Variants in ASXL3 observed in about 807,000 individuals in gnomAD.
The protein encoded by ASXL3 is ASXL transcriptional regulator 3.
A neutral mutation model predicts 170.6 loss-of-function variants in ASXL3; 34 were observed. That is an observed-to-expected ratio of 0.20 (90% CI 0.15 to 0.27). The LOEUF (loss-of-function observed/expected upper bound fraction) is 0.27. Ranked by LOEUF, ASXL3 falls within the 10% of genes least tolerant of loss-of-function variation. The pLI is 1.00. For missense variants in ASXL3, 2,592 were observed against 2,695.3 expected (o/e 0.96, Z 0.85); for synonymous variants, 1,002 against 989.1 (o/e 1.01, Z -0.24).
At chr18:33,720,481 C>A (rs1407114195) in intron 8 of ASXL3, among the ~76,000 whole-genome samples, 1 of 152,052 alleles carries the variant, frequency 6.6e-6, no homozygotes, top group Non-Finnish European at 1.5e-5. Context: ...TTCCCCCCTT[C>A]CCCCTCTGCT....
chr18:33,740,276 G>A lies in ASXL3; in HGVS notation c.2872G>A (p.Asp958Asn), dbSNP rs868278262. ...TGATGGGATAAGAAATGAAAGTAGA[G>A]ATTCAGAGATATCAAAGAGAAAAAC... Reference protein sequence around the residue: ...SPDGIRNESRDSEISKRKTAE... With the variant: ...SPDGIRNESRNSEISKRKTAE... Residue 958 changes from aspartate (D) to asparagine (N), a missense_variant, in exon 11 of 12, where the codon GAT becomes AAT. Transcript: ENST00000269197. The A allele has an allele frequency of 1.9e-6, 3 of 1,612,814 alleles. No individual in the cohort carries two copies. The highest frequency in any genetic ancestry group is 1.3e-5 in the African/African-American group (1 of 75,022).
At chr18:33,668,268 A>G (rs1296186568) in intron 5 of ASXL3, among the ~76,000 whole-genome samples, 1 of 152,026 alleles carries the variant, frequency 6.6e-6, no homozygotes, top group Non-Finnish European at 1.5e-5. Flanking sequence ...TCTACTAAAA[A>G]CAAAAAAATA....
At chr18:33,614,109 C>T (rs2065381381) in intron 2 of ASXL3, among the ~76,000 whole-genome samples, 1 of 152,042 alleles carries the variant, frequency 6.6e-6, no homozygotes, top group Admixed American at 6.6e-5. Context: ...TTGACACTTC[C>T]TTTGTTGAAA....
chr18:33,670,634 C>A, intron 5 of ASXL3, 39 bp from the exon 6 acceptor site: 1 of 1,397,968 alleles, frequency 7.2e-7, no homozygotes, highest in Non-Finnish European at 9.7e-7. Context: ...ATTATTTTGG[C>A]TATATTTTTA....
At chr18:33,735,712 T>C (rs2067533974) in intron 10 of ASXL3, among the ~76,000 whole-genome samples, 2 of 152,178 alleles carry the variant, frequency 1.3e-5, no homozygotes, top group South Asian at 4.1e-4. Context: ...TGCGGGGAGC[T>C]CTCTTTTTAG....
intron 8 of ASXL3, 150 bp from the exon 9 acceptor site, chr18:33,731,817 CT>C: frequency 1.7e-6 from 1 of 587,690 alleles, no homozygotes; most frequent in East Asian, 2.9e-5. Context: ...CTCCTGCTCT[CT>C]CTCTCCCTTC....
At chr18:33,714,390 A>G (rs2067130356) in intron 8 of ASXL3, among the ~76,000 whole-genome samples, 1 of 151,798 alleles carries the variant, frequency 6.6e-6, no homozygotes, top group Non-Finnish European at 1.5e-5. Flanking sequence ...TCCTAACTCC[A>G]TTTCACCCTC....
At position 33,732,069 on chromosome 18, in the gene ASXL3, A is replaced by AT. The variant is rs748492487; in HGVS notation, c.976+8dup. 2.1e-5 allele frequency: 33 copies of AT among 1,608,496 alleles called. No homozygotes were observed. In the Admixed American group the frequency reaches 3.7e-4, roughly 18 times the overall value. ...GGAAACAGCGACTGGCAGAAGGTAA[A>AT]TTTGTATTTTCTATTATTATGTGAC... On this transcript the variant is annotated splice_donor_region_variant and intron_variant, in intron 9 of 11. Transcript: ENST00000269197.
intron 8 of ASXL3, among the ~76,000 whole-genome samples, chr18:33,684,851 A>T (rs930732913): frequency 6.6e-6 from 1 of 152,138 alleles, no homozygotes; most frequent in Non-Finnish European, 1.5e-5. Context: ...AAAATTCTTG[A>T]ATTGGGCCTT....
intron 1 of ASXL3, among the ~76,000 whole-genome samples, chr18:33,604,794 A>G (rs115075516): frequency 8.6e-5 from 13 of 151,530 alleles, no homozygotes; most frequent in African/African-American, 3.1e-4. Flanking sequence ...CACATTTTGA[A>G]AAGTTTTTAT....
chr18:33,639,168 A>T (rs766866108), intron 2 of ASXL3, among the ~76,000 whole-genome samples: 16 of 152,122 alleles, frequency 1.1e-4, no homozygotes, highest in Non-Finnish European at 2.2e-4. Context: ...AACATTTACC[A>T]CGTACCAGAC....
chr18:33,673,761 T>C (rs949253865), intron 7 of ASXL3, among the ~76,000 whole-genome samples: 7 of 152,194 alleles, frequency 4.6e-5, no homozygotes, highest in Non-Finnish European at 1.0e-4. Context: ...CTGAAAGATA[T>C]AAAGACTGAT....
chr18:33,662,106 A>C (rs1305716913), intron 5 of ASXL3, among the ~76,000 whole-genome samples: 1 of 152,226 alleles, frequency 6.6e-6, no homozygotes, highest in Non-Finnish European at 1.5e-5. Context: ...TATAAAAATA[A>C]ATGATAATTT....
rs747689671 is a variant in ASXL3, at chr18:33,670,653, C to A, written c.478-20C>A. 5.4e-5 allele frequency: 80 copies of A among 1,486,012 alleles called. No homozygotes were observed. Among genetic ancestry groups the A allele is most frequent in the Non-Finnish European group, 7.1e-5 (78 of 1,101,616 alleles). The allele number at this position is 1,486,012 out of a possible 1,614,324, so 92.1% of individuals were successfully genotyped here. A position where few individuals can be genotyped will look rare whatever the true frequency, so the allele number is the denominator to read the frequency against. On this transcript the variant is annotated intron_variant, in intron 5 of 11. Transcript: ENST00000269197. The stretch of plus-strand genomic sequence containing the variant: ...TTTTGGCTATATTTTTATGTTATAT[C>A]TTTTTATTATGTTTTGTAGGCTTTG...
chr18:33,686,122 G>A (rs1203095939), intron 8 of ASXL3, among the ~76,000 whole-genome samples: 1 of 152,202 alleles, frequency 6.6e-6, no homozygotes, highest in Non-Finnish European at 1.5e-5. Flanking sequence ...TAGTCACTGT[G>A]AGAAATATAA....
At chr18:33,587,356 GTTAA>G (rs965089646) in intron 1 of ASXL3, among the ~76,000 whole-genome samples, 10 of 152,092 alleles carry the variant, frequency 6.6e-5, no homozygotes, top group African/African-American at 1.9e-4. Context: ...TTTGACATTA[GTTAA>G]TTGATTACAT....
intron 8 of ASXL3, among the ~76,000 whole-genome samples, chr18:33,726,781 C>G (rs7234013): frequency 6.6e-6 from 1 of 152,048 alleles, no homozygotes; most frequent in Admixed American, 6.6e-5. Context: ...TTCTTTGGAC[C>G]AACACCCTCC....
Position 33,735,442 on chromosome 18 carries a change from G to A in ASXL3, c.1082+1027G>A, listed in dbSNP as rs183339682. Among the ~76,000 whole-genome samples the A allele has an allele frequency of 9.9e-4, 151 of 152,264 alleles. 1 individual carries two copies. Among genetic ancestry groups the A allele is most frequent in the Middle Eastern group, 3.4e-3 (1 of 294 alleles). ...TGTGCCAGGATATATATATTTTTAAGCAAAACCAAATAAAGATAATTAATG... is the reference window on the plus strand; with the variant it reads ...TGTGCCAGGATATATATATTTTTAAACAAAACCAAATAAAGATAATTAATG... On this transcript the variant is annotated intron_variant, in intron 10 of 11. Coordinates refer to ENST00000269197, the MANE Select transcript of ASXL3 (RefSeq NM_030632.3).
intron 8 of ASXL3, among the ~76,000 whole-genome samples, chr18:33,708,616 T>C (rs2067003781): frequency 6.6e-6 from 1 of 152,226 alleles, no homozygotes; most frequent in African/African-American, 2.4e-5. Flanking sequence ...CCTGTCCTTA[T>C]AGGATATTTA....
Sources: gnomAD v4.1 joint callset for allele counts (sites outside exome capture counted in the v4.1 genomes callset) on GRCh38, gnomAD v4.1.1 for gene constraint, MANE v1.5 for transcripts, NCBI Gene and HGNC (gene_info 2026-07-23, HGNC 2026-07-21) for gene names.